Variants in MAPK10 observed in about 807,000 individuals in gnomAD.
MAPK10 encodes the protein mitogen-activated protein kinase 10.
In MAPK10, 25 loss-of-function variants were observed where a neutral mutation model predicts 59.3. The observed-to-expected ratio is 0.42, with a 90% CI of 0.31 to 0.59. MAPK10 has a LOEUF of 0.59. Ranked by LOEUF, MAPK10 falls within the 20% of genes least tolerant of loss-of-function variation. The pLI is 0.15. For synonymous variants in MAPK10, 190 were observed against 200.5 expected (o/e 0.95, Z 0.44); for missense variants, 351 against 568.9 (o/e 0.62, Z 3.90).
intron 1 of MAPK10, among the ~76,000 whole-genome samples, chr4:86,395,864 A>G (rs1366187354): frequency 6.6e-6 from 1 of 152,030 alleles, no homozygotes; most frequent in Non-Finnish European, 1.5e-5. Context: ...TGGGGGCTCC[A>G]CCCTTATGGC....
chr4:86,193,731 C>A, intron 3 of MAPK10: 1 of 156,820 alleles, frequency 6.4e-6, no homozygotes, highest in Non-Finnish European at 1.4e-5. Context: ...CACTTGGCTC[C>A]CTGGCTTCAG....
At chr4:86,358,350 T>C (rs1316048656) in intron 1 of MAPK10, 3 of 985,330 alleles carry the variant, frequency 3.0e-6, no homozygotes, top group Non-Finnish European at 3.6e-6. Flanking sequence ...TTGGATGTTG[T>C]GCTGGCAATG....
chr4:86,296,411 G>A (rs529314076), intron 2 of MAPK10, among the ~76,000 whole-genome samples: 2 of 152,178 alleles, frequency 1.3e-5, no homozygotes, highest in East Asian at 3.9e-4. Flanking sequence ...GGGTGGTCCT[G>A]CACCAGGCTT....
intron 2 of MAPK10, among the ~76,000 whole-genome samples, chr4:86,226,556 T>C (rs1464627730): frequency 6.6e-6 from 1 of 152,208 alleles, no homozygotes; most frequent in Non-Finnish European, 1.5e-5. Flanking sequence ...CATTAAACCT[T>C]GAATATATTT....
At chr4:86,576,816 G>A (rs931709895) in intron 1 of MAPK10, among the ~76,000 whole-genome samples, 1 of 151,658 alleles carries the variant, frequency 6.6e-6, no homozygotes, top group African/African-American at 2.4e-5. Context: ...TAATTATTGT[G>A]AAATGTCTGA....
intron 2 of MAPK10, among the ~76,000 whole-genome samples, chr4:86,292,623 G>A (rs1023396847): frequency 6.6e-6 from 1 of 152,230 alleles, no homozygotes; most frequent in Non-Finnish European, 1.5e-5. Flanking sequence ...TCAGAAGGCA[G>A]AGAGAGTATT....
chr4:86,098,734 T>G (rs931697283), intron 8 of MAPK10, 139 bp from the exon 9 acceptor site: 1 of 694,762 alleles, frequency 1.4e-6, no homozygotes, highest in South Asian at 1.7e-5. Flanking sequence ...TTGGCCAAAA[T>G]GTGAATTCAA....
At chr4:86,319,319 C>T (rs2095847040) in intron 2 of MAPK10, among the ~76,000 whole-genome samples, 2 of 152,144 alleles carry the variant, frequency 1.3e-5, no homozygotes, top group Admixed American at 1.3e-4. Flanking sequence ...TAGAGAGAAA[C>T]TGCTGAAAAT....
intron 7 of MAPK10, 25 bp downstream of exon 7, chr4:86,101,869 G>A (rs2055470867): frequency 6.2e-7 from 1 of 1,612,024 alleles, no homozygotes; most frequent in Non-Finnish European, 8.5e-7. Context: ...CATTTGAATT[G>A]TAATCCTAGA....
chr4:86,447,385 C>G (rs1054545628), intron 1 of MAPK10, among the ~76,000 whole-genome samples: 2 of 152,124 alleles, frequency 1.3e-5, no homozygotes, highest in African/African-American at 4.8e-5. Context: ...TCAGTTAAAC[C>G]TCTTTCCTTT....
intron 1 of MAPK10, among the ~76,000 whole-genome samples, chr4:86,400,662 A>T (rs1743581025): frequency 6.6e-6 from 1 of 152,168 alleles, no homozygotes; most frequent in Non-Finnish European, 1.5e-5. Context: ...ACATCAAAAC[A>T]AGCTTTATAA....
rs376140242 is a variant in MAPK10 at position 86,084,681 on chromosome 4, A to G, written c.802+13843T>C. On this transcript the variant is annotated intron_variant, in intron 9 of 13. Coordinates refer to ENST00000641462, the MANE Select transcript of MAPK10 (RefSeq NM_138982.4). The stretch of plus-strand genomic sequence containing the variant: ...TTAAAATGTCCATACTACCCAAAGC[A>G]ATCTACAGATTCAATGCAGTCCCTA... Among the ~76,000 whole-genome samples the G allele has an allele frequency of 2.1e-4, 30 of 144,842 alleles. 1 individual carries two copies. In the East Asian group the frequency reaches 4.6e-3, roughly 22 times the overall value.
chr4:86,161,666 C>T (rs903932293), intron 3 of MAPK10, among the ~76,000 whole-genome samples: 1 of 151,992 alleles, frequency 6.6e-6, no homozygotes, highest in African/African-American at 2.4e-5. Flanking sequence ...TGTTTCTGAC[C>T]ACACACAAAA....
intron 4 of MAPK10, among the ~76,000 whole-genome samples, chr4:86,114,753 T>A (rs1455212669): frequency 6.6e-6 from 1 of 152,230 alleles, no homozygotes; most frequent in Non-Finnish European, 1.5e-5. Flanking sequence ...TCATCTGGAC[T>A]GCCAGCAGGC....
chr4:86,264,885 G>A (rs1221650392), intron 2 of MAPK10, among the ~76,000 whole-genome samples: 1 of 135,156 alleles, frequency 7.4e-6, no homozygotes, highest in African/African-American at 2.7e-5. Context: ...TGATGGCCCT[G>A]GACTTTTTTT....
intron 2 of MAPK10, among the ~76,000 whole-genome samples, chr4:86,222,415 T>A (rs369318950): frequency 6.8e-4 from 104 of 152,180 alleles, no homozygotes; most frequent in African/African-American, 2.4e-3. Flanking sequence ...GGGCCCAAGG[T>A]TACTCCTCTT....
At chr4:86,194,069 G>C (rs1246498292) in intron 3 of MAPK10, 2 of 425,186 alleles carry the variant, frequency 4.7e-6, no homozygotes, top group African/African-American at 4.0e-5. Flanking sequence ...ACCCTCTGTG[G>C]GCTGCACCCA....
At chr4:86,420,102 A>G (rs1458461832) in intron 1 of MAPK10, among the ~76,000 whole-genome samples, 2 of 152,214 alleles carry the variant, frequency 1.3e-5, no homozygotes, top group Non-Finnish European at 2.9e-5. Context: ...CAAAGGATAC[A>G]GGTCATAAAA....
At chr4:86,302,367 T>C (rs2095487744) in intron 2 of MAPK10, among the ~76,000 whole-genome samples, 2 of 152,224 alleles carry the variant, frequency 1.3e-5, no homozygotes, top group Admixed American at 6.5e-5. Flanking sequence ...CTTTGTAGAC[T>C]AGTCATTAGT....
Sources: gnomAD v4.1 joint callset for allele counts (sites outside exome capture counted in the v4.1 genomes callset) on GRCh38, gnomAD v4.1.1 for gene constraint, MANE v1.5 for transcripts, NCBI Gene and HGNC (gene_info 2026-07-23, HGNC 2026-07-21) for gene names.